The following ADGRA3 variants were observed in gnomAD, a reference collection of about 807,000 sequenced individuals.
The protein encoded by ADGRA3 is adhesion G protein-coupled receptor A3.
ADGRA3 carries 56 observed loss-of-function variants against 119.8 expected under a neutral mutation model. The observed-to-expected ratio is 0.47, with a 90% CI of 0.38 to 0.58. ADGRA3 has a LOEUF of 0.58. ADGRA3 is among the 20% of genes least tolerant of loss of function. ADGRA3 has a pLI of 0.00. For missense variants in ADGRA3, 1,516 were observed against 1,649.0 expected (o/e 0.92, Z 1.40); for synonymous variants, 607 against 623.8 (o/e 0.97, Z 0.40).
intron 4 of ADGRA3, among the ~76,000 whole-genome samples, chr4:22,453,075 AC>A (rs1239068700): frequency 2.0e-5 from 3 of 151,590 alleles, no homozygotes; most frequent in African/African-American, 7.3e-5. Flanking sequence ...GGTGGCGGGC[AC>A]CTGTAATCCC....
intron 2 of ADGRA3, among the ~76,000 whole-genome samples, chr4:22,463,703 T>C (rs1464277990): frequency 6.6e-6 from 1 of 152,196 alleles, no homozygotes; most frequent in Non-Finnish European, 1.5e-5. Context: ...ATTCTAGCAA[T>C]ATAGAAAAAG....
chr4:22,419,754 G>T (rs1365455812), intron 12 of ADGRA3, among the ~76,000 whole-genome samples: 1 of 151,164 alleles, frequency 6.6e-6, no homozygotes, highest in Non-Finnish European at 1.5e-5. Flanking sequence ...TATGTTTGTG[G>T]TTTTTTTGTT....
At chr4:22,458,641 C>T (rs914022606) in intron 3 of ADGRA3, among the ~76,000 whole-genome samples, 11 of 152,084 alleles carry the variant, frequency 7.2e-5, no homozygotes, top group African/African-American at 1.9e-4. Flanking sequence ...ATTTTGATTA[C>T]GCTGCTACAC....
intron 4 of ADGRA3, among the ~76,000 whole-genome samples, chr4:22,452,731 G>C (rs1717093536): frequency 6.6e-6 from 1 of 152,158 alleles, no homozygotes; most frequent in Non-Finnish European, 1.5e-5. Context: ...AACATTTGCT[G>C]ATGTGTCAAA....
Position 22,388,380 on chromosome 4 carries a change from T to G in ADGRA3, c.3291A>C (p.Ser1097=). ...PKCPNSSAES[S]CTNKSASSFK... ...AGCTTGAAGCACTTTTGTTTGTGCA[T>G]GAAGACTCCGCACTGCTATTGGGGC... The change falls in exon 19 of 19, where the codon TCA becomes TCC. Residue 1097 remains serine (S), a synonymous_variant. Coordinates refer to ENST00000334304, the MANE Select transcript of ADGRA3 (RefSeq NM_145290.4). 6.2e-7 allele frequency: 1 copy of G among 1,614,076 alleles called. No individual in the cohort carries two copies. The highest frequency in any genetic ancestry group is 8.5e-7 in the Non-Finnish European group (1 of 1,179,990).
intron 3 of ADGRA3, among the ~76,000 whole-genome samples, chr4:22,459,129 A>G (rs1717352028): frequency 6.6e-6 from 1 of 152,090 alleles, no homozygotes; most frequent in Admixed American, 6.6e-5. Flanking sequence ...TAGATGAAAG[A>G]TATTTTACTT....
intron 14 of ADGRA3, among the ~76,000 whole-genome samples, chr4:22,403,196 T>A (rs777887017): frequency 2.0e-5 from 3 of 152,002 alleles, no homozygotes; most frequent in Non-Finnish European, 2.9e-5. Context: ...GAGAGCAGTA[T>A]CTCTGAGGCT....
intron 1 of ADGRA3, among the ~76,000 whole-genome samples, chr4:22,507,488 T>A (rs1719283891): frequency 6.6e-6 from 1 of 152,162 alleles, no homozygotes; most frequent in Non-Finnish European, 1.5e-5. Flanking sequence ...AGTTTTTACT[T>A]CTGTCTTTGT....
intron 1 of ADGRA3, among the ~76,000 whole-genome samples, chr4:22,502,570 G>A (rs1719084862): frequency 6.6e-6 from 1 of 151,350 alleles, no homozygotes; most frequent in Non-Finnish European, 1.5e-5. Flanking sequence ...TGCTACAAGG[G>A]AGTATTCTGG....
chr4:22,426,730 T>C (rs1715949105), intron 10 of ADGRA3, among the ~76,000 whole-genome samples: 1 of 152,182 alleles, frequency 6.6e-6, no homozygotes, highest in African/African-American at 2.4e-5. Flanking sequence ...TAACACATTC[T>C]CAAGGGGTAC....
intron 2 of ADGRA3, among the ~76,000 whole-genome samples, chr4:22,463,263 T>C (rs567865943): frequency 1.3e-5 from 2 of 152,232 alleles, no homozygotes; most frequent in Non-Finnish European, 2.9e-5. Flanking sequence ...CAAACAGACA[T>C]GTAGAGAAAT....
chr4:22,398,515 A>G (rs1256632876), intron 16 of ADGRA3, among the ~76,000 whole-genome samples: 2 of 152,034 alleles, frequency 1.3e-5, no homozygotes, highest in Admixed American at 6.5e-5. Flanking sequence ...CTATCACCCT[A>G]TTATATCCTC....
intron 6 of ADGRA3, 185 bp from the exon 7 acceptor site, chr4:22,443,048 TA>T: frequency 1.5e-6 from 1 of 682,344 alleles, no homozygotes; most frequent in African/African-American, 1.8e-5. Flanking sequence ...AAAACAAAAT[TA>T]AAAAGAAACA....
chr4:22,436,535 G>T lies in ADGRA3; in HGVS notation c.1192C>A (p.Arg398Ser). 1 of 1,613,634 alleles carries T rather than the reference G, an allele frequency of 6.2e-7. No individual in the cohort carries two copies. Among genetic ancestry groups the T allele is most frequent in the Non-Finnish European group, 8.5e-7 (1 of 1,179,878 alleles). ...CAAAAGCCACCTCTATCACATCTGC[G>T]CCAAGCTTTTCTCTCATCCTGTGGG... ...GNPQDERKAW[R>S]RCDRGGFWAD... The change falls in exon 9 of 19, where the codon CGC becomes AGC. Residue 398 changes from arginine (R) to serine (S), a missense_variant. Arg to Ser is a moderately radical substitution (Grantham distance 110). Coordinates refer to ENST00000334304, the MANE Select transcript of ADGRA3 (RefSeq NM_145290.4).
intron 2 of ADGRA3, among the ~76,000 whole-genome samples, chr4:22,464,742 G>T (rs1003193856): frequency 6.6e-6 from 1 of 152,188 alleles, no homozygotes; most frequent in African/African-American, 2.4e-5. Flanking sequence ...TCCTCACCTG[G>T]AATGAAAACA....
At chr4:22,418,447 A>G (rs1715515506) in intron 12 of ADGRA3, among the ~76,000 whole-genome samples, 1 of 152,166 alleles carries the variant, frequency 6.6e-6, no homozygotes, top group South Asian at 2.1e-4. Context: ...GCTGGGTGTT[A>G]TCACCAAGGA....
At chr4:22,502,798 T>G (rs1469392168) in intron 1 of ADGRA3, among the ~76,000 whole-genome samples, 2 of 151,646 alleles carry the variant, frequency 1.3e-5, no homozygotes, top group Non-Finnish European at 2.9e-5. Context: ...TGACCTTGTA[T>G]GTTTGTTATG....
At chr4:22,443,034 G>C in intron 6 of ADGRA3, 171 bp from the exon 7 acceptor site, 1 of 682,500 alleles carries the variant, frequency 1.5e-6, no homozygotes, top group Admixed American at 2.5e-5. Flanking sequence ...AGTGATAACA[G>C]ATTAAAACAA....
chr4:22,427,826 G>T (rs1341460590), intron 10 of ADGRA3, among the ~76,000 whole-genome samples: 1 of 152,134 alleles, frequency 6.6e-6, no homozygotes, highest in Non-Finnish European at 1.5e-5. Flanking sequence ...CTCATTCCCC[G>T]AAGGCCACTC....
Sources: gnomAD v4.1 joint callset for allele counts (sites outside exome capture counted in the v4.1 genomes callset) on GRCh38, gnomAD v4.1.1 for gene constraint, MANE v1.5 for transcripts, NCBI Gene and HGNC (gene_info 2026-07-23, HGNC 2026-07-21) for gene names.